The following GNG4 variants were observed in gnomAD, a reference collection of about 807,000 sequenced individuals.
The protein encoded by GNG4 is G protein subunit gamma 4, also known as guanine nucleotide-binding protein G(I)/G(S)/G(O) subunit gamma-4.
In GNG4, 4 loss-of-function variants were observed where a neutral mutation model predicts 5.8. That is an observed-to-expected ratio of 0.69 (90% CI 0.34 to 1.57). The LOEUF (loss-of-function observed/expected upper bound fraction) is 1.57, where lower values mean the gene tolerates loss of function less well. GNG4 is among the 40% of genes most tolerant of loss of function. The pLI is 0.06. For missense variants in GNG4, 96 were observed against 95.1 expected (o/e 1.01, Z -0.04); for synonymous variants, 29 against 32.9 (o/e 0.88, Z 0.41).
intron 3 of GNG4, among the ~76,000 whole-genome samples, chr1:235,558,633 A>G (rs1045822505): frequency 8.5e-5 from 13 of 152,234 alleles, no homozygotes; most frequent in Non-Finnish European, 1.3e-4. Context: ...GTTGCAGACA[A>G]CGCCAGATCC....
Position 235,547,747 on chromosome 1 carries a change from T to C in GNG4, c.*4362A>G, listed in dbSNP as rs1174433835. On this transcript the variant is annotated 3_prime_UTR_variant, in exon 4 of 4. Coordinates refer to ENST00000391854, the MANE Select transcript of GNG4 (RefSeq NM_001098722.2). Reference sequence around the variant, plus strand: ...ACATACACACAGAAAAGTGCCCAGATCAAAAGTGTACAGCTCCAAGAATGT... The same window carrying C: ...ACATACACACAGAAAAGTGCCCAGACCAAAAGTGTACAGCTCCAAGAATGT... 2.0e-5 allele frequency: 3 copies of C among 151,996 alleles called. No homozygotes were observed. Among genetic ancestry groups the C allele is most frequent in the African/African-American group, 7.3e-5 (3 of 41,356 alleles). 9.4% of individuals were successfully genotyped at this position (151,996 alleles called of 1,614,324 possible).
chr1:235,610,523 G>A (rs989806152), intron 1 of GNG4, among the ~76,000 whole-genome samples: 1 of 152,020 alleles, frequency 6.6e-6, no homozygotes, highest in Non-Finnish European at 1.5e-5. Flanking sequence ...AGGCACTCAG[G>A]GTTTTCTGTT....
chr1:235,562,904 AC>A (rs1687104541), intron 3 of GNG4, among the ~76,000 whole-genome samples: 1 of 152,084 alleles, frequency 6.6e-6, no homozygotes, highest in Non-Finnish European at 1.5e-5. Context: ...CCATCTTTTT[AC>A]ATTCAACCTG....
rs568220276 is a variant in GNG4, at chr1:235,560,611, G to A, written c.100-8374C>T. 2.3e-4 allele frequency among the ~76,000 whole-genome samples: 35 copies of A among 152,306 alleles called. No homozygotes were observed. The South Asian group carries it at 7.3e-3, about 32-fold the overall frequency. On this transcript the variant is annotated intron_variant, in intron 3 of 3. Transcript: ENST00000391854. The stretch of plus-strand genomic sequence containing the variant: ...TATTCATTTGGCTACTTTCTAGTAG[G>A]ACAGAGAAGATACTTGAGAAACAGA...
intron 1 of GNG4, among the ~76,000 whole-genome samples, chr1:235,595,786 C>G (rs966999213): frequency 6.6e-6 from 1 of 152,224 alleles, no homozygotes; most frequent in Non-Finnish European, 1.5e-5. Flanking sequence ...TGCAAACCTT[C>G]ATGCCCAGTC....
chr1:235,610,629 T>C (rs991397074), intron 1 of GNG4, among the ~76,000 whole-genome samples: 15 of 152,212 alleles, frequency 9.9e-5, no homozygotes, highest in Non-Finnish European at 2.1e-4. Context: ...AGCTGGTTCC[T>C]GTGTCTTTCT....
At position 235,551,918 on chromosome 1, in the gene GNG4, CATGAAA is replaced by C; in HGVS notation, c.*185_*190del. On this transcript the variant is annotated 3_prime_UTR_variant, in exon 4 of 4. Coordinates refer to ENST00000391854, the MANE Select transcript of GNG4 (RefSeq NM_001098722.2). ...TTTTCTTTGCCAATAATGAAAATAA[CATGAAA>C]ATGAAAAGGAAAAAAATGAAATTGA... 2.0e-6 allele frequency: 1 copy of C among 506,836 alleles called. No individual in the cohort carries two copies. The highest frequency in any genetic ancestry group is 3.6e-6 in the Non-Finnish European group (1 of 277,252). The allele number at this position is 506,836 out of a possible 1,614,324, so 31.4% of individuals were successfully genotyped here. A position where few individuals can be genotyped will look rare whatever the true frequency, so the allele number is the denominator to read the frequency against.
At chr1:235,617,424 G>C (rs1688615013) in intron 1 of GNG4, among the ~76,000 whole-genome samples, 1 of 152,166 alleles carries the variant, frequency 6.6e-6, no homozygotes, top group South Asian at 2.1e-4. Context: ...TTGATTTGGG[G>C]GCAGCACCTG....
chr1:235,615,610 T>TC (rs1389827177), intron 1 of GNG4: 1 of 226,026 alleles, frequency 4.4e-6, no homozygotes, highest in Non-Finnish European at 9.7e-6. Context: ...TGATTATGTG[T>TC]CCAAGTCTGC....
intron 2 of GNG4, among the ~76,000 whole-genome samples, chr1:235,592,533 C>T (rs182447760): frequency 6.6e-6 from 1 of 152,118 alleles, no homozygotes; most frequent in Admixed American, 6.6e-5. Flanking sequence ...AAATTTCTTC[C>T]TGAGGGTCCT....
Position 235,645,769 on chromosome 1 carries a change from C to T in GNG4, c.-123+3893G>A, listed in dbSNP as rs564707719. The stretch of plus-strand genomic sequence containing the variant: ...CCAAGATCGTGCCATTGCTCTCCAG[C>T]CTGGGAGACAAGAGGGAAACTCAGT... On this transcript the variant is annotated intron_variant, in intron 1 of 3. Coordinates refer to ENST00000391854, the MANE Select transcript of GNG4 (RefSeq NM_001098722.2). Among the ~76,000 whole-genome samples, 25 of 145,056 alleles carry T rather than the reference C, an allele frequency of 1.7e-4. No homozygotes were observed. The South Asian group carries it at 5.4e-3, about 32-fold the overall frequency.
intron 1 of GNG4, among the ~76,000 whole-genome samples, chr1:235,628,703 T>A (rs902489099): frequency 6.6e-6 from 1 of 152,166 alleles, no homozygotes. Context: ...GAAAAGTCAC[T>A]TTTCCCCGCA....
At chr1:235,586,239 G>C (rs1218733470) in intron 2 of GNG4, among the ~76,000 whole-genome samples, 2 of 152,206 alleles carry the variant, frequency 1.3e-5, no homozygotes, top group Non-Finnish European at 2.9e-5. Flanking sequence ...TGAAATCCAA[G>C]GAACATCCCC....
chr1:235,554,522 T>G (rs2102910022), intron 3 of GNG4, among the ~76,000 whole-genome samples: 1 of 152,252 alleles, frequency 6.6e-6, no homozygotes, highest in African/African-American at 2.4e-5. Context: ...GGCCCCTGAC[T>G]CCAGTGAGCT....
chr1:235,635,113 T>C (rs79617999), intron 1 of GNG4, among the ~76,000 whole-genome samples: 28 of 152,218 alleles, frequency 1.8e-4, no homozygotes, highest in Non-Finnish European at 3.2e-4. Flanking sequence ...CAAACCATGG[T>C]TCCAATGGTT....
chr1:235,626,511 C>A (rs919488377), intron 1 of GNG4, among the ~76,000 whole-genome samples: 1 of 152,124 alleles, frequency 6.6e-6, no homozygotes, highest in Non-Finnish European at 1.5e-5. Flanking sequence ...TGAGACACGG[C>A]CGAGTGCCTC....
At chr1:235,612,476 C>T (rs1459763211) in intron 1 of GNG4, among the ~76,000 whole-genome samples, 3 of 152,170 alleles carry the variant, frequency 2.0e-5, no homozygotes, top group Admixed American at 6.5e-5. Context: ...GTGACTTTCA[C>T]AAGCGTCACT....
intron 1 of GNG4, among the ~76,000 whole-genome samples, chr1:235,638,144 T>C (rs143680746): frequency 6.6e-6 from 1 of 152,142 alleles, no homozygotes; most frequent in Non-Finnish European, 1.5e-5. Context: ...AGAAGAGAGG[T>C]GAGTGGACAG....
At chr1:235,576,853 C>T (rs1687495684) in intron 3 of GNG4, among the ~76,000 whole-genome samples, 1 of 152,044 alleles carries the variant, frequency 6.6e-6, no homozygotes, top group African/African-American at 2.4e-5. Context: ...AATCTATATC[C>T]CCTACTGAAG....
Sources: allele counts gnomAD v4.1 joint callset (sites outside exome capture counted in the v4.1 genomes callset), GRCh38; gene constraint gnomAD v4.1.1; transcripts MANE v1.5; gene names NCBI Gene and HGNC (gene_info 2026-07-23, HGNC 2026-07-21).